Variants in NEK11 observed in about 807,000 individuals in gnomAD.
NEK11 encodes the protein serine/threonine-protein kinase Nek11.
Under a neutral mutation model 80.7 loss-of-function variants are expected in NEK11, and 72 were observed. That is an observed-to-expected ratio of 0.89 (90% CI 0.74 to 1.08). The LOEUF (loss-of-function observed/expected upper bound fraction) is 1.08. Among genes scored for constraint, NEK11 ranks in the 50% least tolerant of loss-of-function variants. The probability of loss-of-function intolerance (pLI) is 0.00; values close to 1 mark genes in which losing one functional copy is unlikely to be tolerated. For synonymous variants in NEK11, 251 were observed against 260.7 expected (o/e 0.96, Z 0.36); for missense variants, 764 against 763.6 (o/e 1.00, Z -0.01).
intron 14 of NEK11, among the ~76,000 whole-genome samples, chr3:131,216,588 C>T (rs2094842560): frequency 6.6e-6 from 1 of 151,834 alleles, no homozygotes; most frequent in Middle Eastern, 3.2e-3. Flanking sequence ...TGTCCATATT[C>T]TTCTCTGGCT....
At chr3:131,211,591 A>T (rs1240111446) in intron 14 of NEK11, among the ~76,000 whole-genome samples, 1 of 152,180 alleles carries the variant, frequency 6.6e-6, no homozygotes, top group Non-Finnish European at 1.5e-5. Flanking sequence ...TCTCCCCGTC[A>T]CTTTCAGTTA....
At chr3:131,250,658 C>G (rs561183997) in intron 16 of NEK11, among the ~76,000 whole-genome samples, 1 of 151,942 alleles carries the variant, frequency 6.6e-6, no homozygotes, top group Non-Finnish European at 1.5e-5. Context: ...GGTCACTGAA[C>G]GATAGGTGGG....
chr3:131,308,777 AC>A (rs1476331117), intron 17 of NEK11, among the ~76,000 whole-genome samples: 1 of 151,986 alleles, frequency 6.6e-6, no homozygotes, highest in Admixed American at 6.6e-5. Context: ...GCATCATCTA[AC>A]GCAGCTGTCC....
At chr3:131,229,923 G>A (rs548781299) in intron 15 of NEK11, among the ~76,000 whole-genome samples, 143 of 152,092 alleles carry the variant, frequency 9.4e-4, no homozygotes, top group African/African-American at 3.2e-3. Context: ...AGCTTATACC[G>A]TTTCCCCATT....
At chr3:131,153,023 G>T (rs1335140354) in intron 9 of NEK11, among the ~76,000 whole-genome samples, 2 of 152,134 alleles carry the variant, frequency 1.3e-5, no homozygotes, top group Non-Finnish European at 2.9e-5. Flanking sequence ...GGAGGTGGAG[G>T]TTGCAGTGAG....
chr3:131,057,004 A>G (rs1425651103), intron 3 of NEK11, among the ~76,000 whole-genome samples: 1 of 149,598 alleles, frequency 6.7e-6, no homozygotes, highest in Non-Finnish European at 1.5e-5. Flanking sequence ...GTCATTTAGC[A>G]TTAGGTATAT....
intron 4 of NEK11, among the ~76,000 whole-genome samples, chr3:131,093,355 C>A: frequency 6.6e-6 from 1 of 151,982 alleles, no homozygotes; most frequent in East Asian, 1.9e-4. Flanking sequence ...TAGGTTTTTC[C>A]TACTATTAGA....
chr3:131,323,486 A>G (rs1446253458), intron 17 of NEK11, among the ~76,000 whole-genome samples: 2 of 151,962 alleles, frequency 1.3e-5, no homozygotes, highest in Non-Finnish European at 2.9e-5. Flanking sequence ...TCTCCATTCT[A>G]CCTGTCTCCT....
chr3:131,262,805 C>T (rs539146267), intron 16 of NEK11, among the ~76,000 whole-genome samples: 4 of 152,042 alleles, frequency 2.6e-5, no homozygotes, highest in East Asian at 1.9e-4. Flanking sequence ...TAATGCTATC[C>T]CTCTACTTGT....
intron 16 of NEK11, among the ~76,000 whole-genome samples, chr3:131,252,172 A>C (rs16836209): frequency 0.13 from 19,371 of 152,076 alleles, 1,781 homozygotes; most frequent in East Asian, 0.3. Context: ...GGGACAATTT[A>C]AGCTTAAGTA....
intron 17 of NEK11, among the ~76,000 whole-genome samples, chr3:131,315,106 T>C (rs950178708): frequency 1.3e-5 from 2 of 152,210 alleles, no homozygotes; most frequent in Non-Finnish European, 2.9e-5. Flanking sequence ...CATCATCTCA[T>C]ATAGTTTCTT....
chr3:131,194,302 A>G (rs2093916404), intron 14 of NEK11, among the ~76,000 whole-genome samples: 1 of 152,216 alleles, frequency 6.6e-6, no homozygotes, highest in Admixed American at 6.5e-5. Context: ...TTTGACAAAG[A>G]CACTTAATGT....
intron 3 of NEK11, among the ~76,000 whole-genome samples, chr3:131,065,918 T>A (rs2148863378): frequency 6.6e-6 from 1 of 152,320 alleles, no homozygotes; most frequent in South Asian, 2.1e-4. Context: ...AGGATATTGT[T>A]AGGGATCTCA....
At chr3:131,085,013 G>A (rs941687134) in intron 4 of NEK11, among the ~76,000 whole-genome samples, 1 of 152,216 alleles carries the variant, frequency 6.6e-6, no homozygotes, top group African/African-American at 2.4e-5. Context: ...GCAAAGATGA[G>A]GCCCAGAGCT....
At chr3:131,083,903 G>T (rs889275124) in intron 4 of NEK11, among the ~76,000 whole-genome samples, 5 of 152,170 alleles carry the variant, frequency 3.3e-5, no homozygotes, top group Admixed American at 3.3e-4. Context: ...TTTCCTCCAT[G>T]TAGGAAGGAA....
chr3:131,136,471 A>T (rs2085578877), intron 7 of NEK11, among the ~76,000 whole-genome samples: 1 of 152,216 alleles, frequency 6.6e-6, no homozygotes, highest in Non-Finnish European at 1.5e-5. Context: ...AGAAACACTT[A>T]TGAATAATTG....
intron 4 of NEK11, among the ~76,000 whole-genome samples, chr3:131,107,217 G>T (rs911638730): frequency 2.0e-5 from 3 of 151,936 alleles, no homozygotes; most frequent in Non-Finnish European, 4.4e-5. Context: ...CCTTAGTAAG[G>T]TTAACACATT....
At chr3:131,168,201 A>G (rs1228586151) in intron 12 of NEK11, among the ~76,000 whole-genome samples, 1 of 152,204 alleles carries the variant, frequency 6.6e-6, no homozygotes, top group Non-Finnish European at 1.5e-5. Flanking sequence ...TGGGTCCACA[A>G]TCAATGGACC....
At chr3:131,200,749 A>T (rs1205379051) in intron 14 of NEK11, among the ~76,000 whole-genome samples, 2 of 152,134 alleles carry the variant, frequency 1.3e-5, no homozygotes, top group Admixed American at 1.3e-4. Flanking sequence ...TAAACCCTAG[A>T]GTTAGTGAGC....
Sources: allele counts gnomAD v4.1 joint callset (sites outside exome capture counted in the v4.1 genomes callset), GRCh38; gene constraint gnomAD v4.1.1; transcripts MANE v1.5; gene names NCBI Gene and HGNC (gene_info 2026-07-23, HGNC 2026-07-21).